The following LARP1 variants were observed in gnomAD, a reference collection of about 807,000 sequenced individuals.
The protein encoded by LARP1 is la-related protein 1.
In LARP1, 36 loss-of-function variants were observed where a neutral mutation model predicts 122.7. That is an observed-to-expected ratio of 0.29 (90% CI 0.22 to 0.39). The LOEUF is 0.39. Among genes scored for constraint, LARP1 ranks in the 10% least tolerant of loss-of-function variants. The pLI is 1.00. For missense variants in LARP1, 1,040 were observed against 1,403.6 expected, an observed-to-expected ratio of 0.74 and a Z score of 4.14; for synonymous variants, 539 against 528.7, an observed-to-expected ratio of 1.02 and a Z score of -0.27.
intron 1 of LARP1, among the ~76,000 whole-genome samples, chr5:154,749,538 A>G (rs1753379904): frequency 6.6e-6 from 1 of 152,128 alleles, no homozygotes; most frequent in African/African-American, 2.4e-5. Context: ...TATGTTAGCT[A>G]TTGCCATTTA....
intron 1 of LARP1, among the ~76,000 whole-genome samples, chr5:154,785,801 A>T (rs1344243703): frequency 6.6e-6 from 1 of 152,022 alleles, no homozygotes. Context: ...TATTCCAACC[A>T]TCCCAGTTAG....
chr5:154,755,259 G>GA (rs1171403686), upstream of LARP1, among the ~76,000 whole-genome samples: 1 of 336 alleles, frequency 3.0e-3, no homozygotes, highest in Non-Finnish European at 7.4e-3. Context: ...CCCGGCCAGC[G>GA]GCGCGCCCCC....
At chr5:154,765,857 C>T (rs1754902580) in intron 1 of LARP1, among the ~76,000 whole-genome samples, 1 of 152,212 alleles carries the variant, frequency 6.6e-6, no homozygotes, top group Non-Finnish European at 1.5e-5. Flanking sequence ...TCATTCATTA[C>T]ATTTTGAGTG....
intron 1 of LARP1, among the ~76,000 whole-genome samples, chr5:154,731,698 T>C (rs1756577035): frequency 6.6e-6 from 1 of 152,134 alleles, no homozygotes; most frequent in African/African-American, 2.4e-5. Context: ...CCCACTGTCA[T>C]TCGGCAAATC....
intron 1 of LARP1, among the ~76,000 whole-genome samples, chr5:154,788,428 T>G (rs1307894514): frequency 6.6e-6 from 1 of 152,136 alleles, no homozygotes; most frequent in Non-Finnish European, 1.5e-5. Context: ...GGCCTCACAG[T>G]GAGGAGTCAG....
intron 1 of LARP1, among the ~76,000 whole-genome samples, chr5:154,757,663 A>G (rs1754086393): frequency 6.6e-6 from 1 of 152,136 alleles, no homozygotes; most frequent in African/African-American, 2.4e-5. Context: ...GTCCTAGGGA[A>G]GCCAGAATAG....
At chr5:154,771,697 G>T (rs1755441899) in intron 1 of LARP1, among the ~76,000 whole-genome samples, 1 of 152,220 alleles carries the variant, frequency 6.6e-6, no homozygotes, top group Non-Finnish European at 1.5e-5. Flanking sequence ...GGGCTCTGGG[G>T]ACATAAGCCA....
At position 154,714,918 on chromosome 5, in the gene LARP1, G is replaced by A. The variant is rs544099233; in HGVS notation, c.205+1788G>A. On this transcript the variant is annotated intron_variant, in intron 1 of 18. Transcript: ENST00000336314. ...AATGAAGCCGGGTGCGGTGGCTCAC[G>A]CCTATAATCCTAGCACTTTGGGAGG... Among the ~76,000 whole-genome samples the A allele has an allele frequency of 2.6e-5, 4 of 152,290 alleles. No homozygotes were observed. In the South Asian group the frequency reaches 6.2e-4, roughly 24 times the overall value.
rs776566229 is a variant in LARP1 at position 154,792,657 on chromosome 5, G to A, written c.600G>A (p.Leu200=). ...ACAAGCCTCAGCCTACCCGTAAACT[G>A]CCACCCAAGAAGGACATGAAGGAAC... ...QSHKPQPTRK[L]PPKKDMKEQE... is the part of the protein sequence containing the mutation. The change falls in exon 4 of 19, where the codon CTG becomes CTA. Residue 200 remains leucine, a synonymous_variant. Coordinates refer to ENST00000518297, the MANE Select transcript of LARP1 (RefSeq NM_033551.3). 1 of 1,614,086 alleles carries A rather than the reference G, an allele frequency of 6.2e-7. No individual in the cohort carries two copies. Among genetic ancestry groups the A allele is most frequent in the Admixed American group, 1.7e-5 (1 of 60,022 alleles).
intron 16 of LARP1, 113 bp downstream of exon 16, chr5:154,808,716 C>A: frequency 1.9e-6 from 2 of 1,069,220 alleles, no homozygotes; most frequent in Non-Finnish European, 2.6e-6. Context: ...TATGTTCATT[C>A]ATATACTTGA....
At chr5:154,721,346 C>CAAAAA (rs70981943) in intron 1 of LARP1, among the ~76,000 whole-genome samples, 2 of 126,934 alleles carry the variant, frequency 1.6e-5, no homozygotes, top group Non-Finnish European at 1.7e-5. Flanking sequence ...GACTCCGTCT[C>CAAAAA]AAAAAAAAAA....
At chr5:154,730,259 G>A (rs1215400773) in intron 1 of LARP1, among the ~76,000 whole-genome samples, 2 of 151,910 alleles carry the variant, frequency 1.3e-5, no homozygotes, top group African/African-American at 4.8e-5. Flanking sequence ...TGCGATCTCG[G>A]CTCACTGCAA....
intron 14 of LARP1, among the ~76,000 whole-genome samples, chr5:154,804,618 A>T (rs1439078997): frequency 6.6e-6 from 1 of 152,228 alleles, no homozygotes; most frequent in East Asian, 1.9e-4. Context: ...GTAGTTGAAT[A>T]AACAGATTTC....
intron 1 of LARP1, among the ~76,000 whole-genome samples, chr5:154,784,438 C>A (rs1409096724): frequency 6.6e-6 from 1 of 152,184 alleles, no homozygotes; most frequent in Non-Finnish European, 1.5e-5. Context: ...CCCCTAAACC[C>A]AACAGATTAC....
intron 8 of LARP1, among the ~76,000 whole-genome samples, chr5:154,796,846 A>C (rs939247101): frequency 3.3e-5 from 5 of 152,152 alleles, no homozygotes; most frequent in African/African-American, 1.2e-4. Context: ...TTTGTTAGCC[A>C]GTTTGCATAA....
intron 1 of LARP1, among the ~76,000 whole-genome samples, chr5:154,777,079 G>A (rs1286919195): frequency 6.6e-6 from 1 of 152,200 alleles, no homozygotes; most frequent in East Asian, 1.9e-4. Context: ...ATGGCACAAC[G>A]TACTATGGAC....
chr5:154,743,079 C>T (rs1366605717), intron 1 of LARP1, among the ~76,000 whole-genome samples: 1 of 152,142 alleles, frequency 6.6e-6, no homozygotes. Flanking sequence ...CAGCCAAACA[C>T]TCATTTAACA....
intron 16 of LARP1, among the ~76,000 whole-genome samples, chr5:154,810,712 C>G (rs1165468307): frequency 6.6e-6 from 1 of 152,074 alleles, no homozygotes; most frequent in East Asian, 2.0e-4. Flanking sequence ...GTCTTGAACT[C>G]CGGACCTCAA....
At chr5:154,685,269 T>G (rs370570074) in intron 1 of LARP1, among the ~76,000 whole-genome samples, 136 of 150,200 alleles carry the variant, frequency 9.1e-4, no homozygotes, top group African/African-American at 3.3e-3. Context: ...AGAATTGCAC[T>G]CCTTAATGTG....
Sources: gnomAD v4.1 joint callset for allele counts (sites outside exome capture counted in the v4.1 genomes callset) on GRCh38, gnomAD v4.1.1 for gene constraint, MANE v1.5 for transcripts, NCBI Gene and HGNC (gene_info 2026-07-23, HGNC 2026-07-21) for gene names.